The following SEMA3D variants were observed in gnomAD, a reference collection of about 807,000 sequenced individuals.
SEMA3D encodes the protein semaphorin-3D.
SEMA3D carries 84 observed loss-of-function variants against 100.1 expected under a neutral mutation model. That is an observed-to-expected ratio of 0.84 (90% confidence interval 0.70 to 1.01). The LOEUF is 1.01. Among genes scored for constraint, SEMA3D ranks in the 50% least tolerant of loss-of-function variants. The probability of loss-of-function intolerance (pLI) is 0.00; values close to 1 mark genes in which losing one functional copy is unlikely to be tolerated. For synonymous variants in SEMA3D, 312 were observed against 320.7 expected, an observed-to-expected ratio of 0.97 and a Z score of 0.29; for missense variants, 875 against 934.1, an observed-to-expected ratio of 0.94 and a Z score of 0.82.
At chr7:85,042,028 C>T (rs1185284530) in intron 10 of SEMA3D, 143 bp downstream of exon 10, 6 of 670,186 alleles carry the variant, frequency 9.0e-6, no homozygotes, top group East Asian at 2.5e-5. Context: ...GTGTACTTTG[C>T]GTGTGAATTT....
chr7:85,093,086 G>C (rs1457532614), intron 4 of SEMA3D, among the ~76,000 whole-genome samples: 3 of 151,962 alleles, frequency 2.0e-5, no homozygotes, highest in Non-Finnish European at 4.4e-5. Flanking sequence ...TTGTTTGGCT[G>C]AGAAAACTTT....
chr7:85,214,248 A>G, the SEMA3D span, among the ~76,000 whole-genome samples: 1 of 152,144 alleles, frequency 6.6e-6, no homozygotes, highest in Admixed American at 6.6e-5. Flanking sequence ...AACATTGTGG[A>G]TCAATAGCAC....
intron 18 of SEMA3D, among the ~76,000 whole-genome samples, chr7:85,001,789 G>T (rs1204718448): frequency 6.6e-6 from 1 of 152,108 alleles, no homozygotes. Flanking sequence ...CTGCCATGCT[G>T]CTTGAGAGGT....
chr7:85,191,276 A>G (rs1393788081), upstream of SEMA3D, among the ~76,000 whole-genome samples: 2 of 152,156 alleles, frequency 1.3e-5, no homozygotes, highest in East Asian at 3.9e-4. Context: ...AGATTGGGAT[A>G]ATTTAGTCAG....
chr7:85,034,147 A>G (rs1361368760), intron 12 of SEMA3D, among the ~76,000 whole-genome samples: 1 of 152,062 alleles, frequency 6.6e-6, no homozygotes, highest in Non-Finnish European at 1.5e-5. Flanking sequence ...TAATAATAGC[A>G]TGTGTTTCAT....
At chr7:85,162,835 C>G (rs750981266) in intron 1 of SEMA3D, among the ~76,000 whole-genome samples, 1 of 152,084 alleles carries the variant, frequency 6.6e-6, no homozygotes, top group Non-Finnish European at 1.5e-5. Flanking sequence ...GTTCCAGTAG[C>G]TGAGAGGAAA....
At chr7:85,138,448 C>T (rs901354915) in intron 2 of SEMA3D, among the ~76,000 whole-genome samples, 2 of 151,684 alleles carry the variant, frequency 1.3e-5, no homozygotes, top group Admixed American at 1.3e-4. Flanking sequence ...ACCACCATGC[C>T]TGGCTAATTT....
chr7:85,191,195 T>C (rs1003105613), upstream of SEMA3D, among the ~76,000 whole-genome samples: 3 of 152,100 alleles, frequency 2.0e-5, no homozygotes, highest in African/African-American at 7.2e-5. Context: ...AAAATCCTTC[T>C]TGACTACCAA....
chr7:85,085,049 G>A (rs1788178342), intron 4 of SEMA3D, among the ~76,000 whole-genome samples: 1 of 152,030 alleles, frequency 6.6e-6, no homozygotes, highest in African/African-American at 2.4e-5. Context: ...ACCACTGATG[G>A]GCGTTTAGGT....
At chr7:85,196,915 C>T in the SEMA3D span, among the ~76,000 whole-genome samples, 135 of 152,156 alleles carry the variant, frequency 8.9e-4, 1 homozygote, top group African/African-American at 3.1e-3. Context: ...CTTTGGAAAA[C>T]CCTGAGGACT....
chr7:85,006,818 T>C lies in SEMA3D; in HGVS notation c.1892A>G (p.Asp631Gly), dbSNP rs201674879. The change falls in exon 18 of 19, where the codon GAT becomes GGT. Residue 631 changes from aspartate to glycine, a missense_variant. Physicochemically the swap from Asp to Gly is moderately conservative, Grantham distance 94. Transcript: ENST00000284136. ...TIKWYIQRSG[D>G]EHREELKPDE... is the part of the protein sequence containing the mutation. ...ACAGCTTACCTCCTCTCGATGCTCA[T>C]CCCCTGACCTCTGGATATACCATTT... 3.6e-5 allele frequency: 58 copies of C among 1,596,582 alleles called. No homozygotes were observed. The highest frequency in any genetic ancestry group is 1.2e-5 in the Non-Finnish European group (14 of 1,170,136).
At chr7:85,065,344 T>C (rs1791585354) in intron 8 of SEMA3D, 80 bp downstream of exon 8, 7 of 1,270,070 alleles carry the variant, frequency 5.5e-6, no homozygotes, top group Non-Finnish European at 7.7e-6. Flanking sequence ...CAAAACACAT[T>C]TGAATGAATA....
chr7:85,020,274 T>G lies in SEMA3D; in HGVS notation c.1462A>C (p.Asn488His). Residue 488 changes from asparagine to histidine, a missense_variant, in exon 14 of 19, where the codon AAT (asparagine) becomes CAT (histidine). Asn to His is a moderately conservative substitution (Grantham distance 68). Transcript: ENST00000284136. ...KVVSISKEKW[N>H]MEEVVLEELQ... The stretch of plus-strand genomic sequence containing the variant: ...TCCTCCAGCACTACCTCTTCCATAT[T>G]CCACTTTTCCTTTGAAATGCTGACA... 6.2e-7 allele frequency: 1 copy of G among 1,610,340 alleles called. No individual in the cohort carries two copies. Among genetic ancestry groups the G allele is most frequent in the Non-Finnish European group, 8.5e-7 (1 of 1,177,536 alleles).
At position 85,020,247 on chromosome 7, in the gene SEMA3D, ACTCCTCCAGCACTACCT is replaced by A; in HGVS notation, c.1472_1488del (p.Glu491ValfsTer71). 6.2e-7 allele frequency: 1 copy of A among 1,608,064 alleles called. No homozygotes were observed. On this transcript the variant is annotated frameshift_variant, in exon 14 of 19. Coordinates refer to ENST00000284136, the MANE Select transcript of SEMA3D (RefSeq NM_001384900.1). LOFTEE classifies it high-confidence loss of function. ...CTGAGTCTTACCTTGAATATCTGCA[ACTCCTCCAGCACTACCT>A]CTTCCATATTCCACTTTTCCTTTGA... is the stretch of plus-strand genomic sequence containing the variant.
At chr7:85,142,480 C>T in intron 2 of SEMA3D, 1 of 981,704 alleles carries the variant, frequency 1.0e-6, no homozygotes, top group Non-Finnish European at 1.2e-6. Flanking sequence ...AATAAGGCAT[C>T]TAGCTCACGG....
chr7:85,121,374 A>G (rs1366599827), intron 3 of SEMA3D, among the ~76,000 whole-genome samples: 1 of 152,168 alleles, frequency 6.6e-6, no homozygotes, highest in Non-Finnish European at 1.5e-5. Flanking sequence ...TTCTTTTTGA[A>G]GATACCTTAC....
the SEMA3D span, among the ~76,000 whole-genome samples, chr7:85,203,242 T>C: frequency 6.6e-6 from 1 of 152,226 alleles, no homozygotes; most frequent in African/African-American, 2.4e-5. Context: ...GCATCTTGTG[T>C]GTTTCTGTCT....
At chr7:85,033,279 A>G (rs1418538300) in intron 12 of SEMA3D, among the ~76,000 whole-genome samples, 1 of 152,118 alleles carries the variant, frequency 6.6e-6, no homozygotes, top group Non-Finnish European at 1.5e-5. Context: ...TTTCTCATTG[A>G]TGAAAAACAC....
At chr7:85,030,469 G>A (rs914777949) in intron 12 of SEMA3D, among the ~76,000 whole-genome samples, 1 of 151,928 alleles carries the variant, frequency 6.6e-6, no homozygotes, top group Non-Finnish European at 1.5e-5. Context: ...CAATTTGGGA[G>A]CAAATGGAAT....
Sources: gnomAD v4.1 joint callset for allele counts (sites outside exome capture counted in the v4.1 genomes callset) on GRCh38, gnomAD v4.1.1 for gene constraint, MANE v1.5 for transcripts, NCBI Gene and HGNC (gene_info 2026-07-23, HGNC 2026-07-21) for gene names.